MACROD2: variants seen among roughly 807,000 people sequenced by gnomAD.
MACROD2 encodes mono-ADP ribosylhydrolase 2, also known as ADP-ribose glycohydrolase MACROD2.
MACROD2 carries 36 observed loss-of-function variants against 70.4 expected under a neutral mutation model. That is an observed-to-expected ratio of 0.51 (90% CI 0.39 to 0.68). The LOEUF is 0.68. Among genes scored for constraint, MACROD2 ranks in the 30% least tolerant of loss-of-function variants. MACROD2 has a pLI of 0.00. For synonymous variants in MACROD2, 172 were observed against 178.8 expected (o/e 0.96, Z 0.30); for missense variants, 496 against 538.4 (o/e 0.92, Z 0.78).
At chr20:14,347,199 G>A (rs937668532) in intron 3 of MACROD2, among the ~76,000 whole-genome samples, 5 of 152,174 alleles carry the variant, frequency 3.3e-5, no homozygotes, top group Non-Finnish European at 7.3e-5. Flanking sequence ...GGTGAAAAGT[G>A]TCCTAATTAG....
chr20:14,060,634 C>T lies in MACROD2; in HGVS notation c.164-24987C>T, dbSNP rs73267392. Among the ~76,000 whole-genome samples, 300 of 152,228 alleles carry T rather than the reference C, an allele frequency of 2.0e-3. 1 individual carries two copies. The highest frequency in any genetic ancestry group is 6.5e-3 in the African/African-American group (271 of 41,562). On this transcript the variant is annotated intron_variant, in intron 2 of 17. Transcript: ENST00000684519. ...GGGGAGATTCGTAATCTTCTTTGTG[C>T]TCAGAAAGAGAATCTGAATATTTTT...
chr20:14,756,976 C>A (rs1282989221), intron 5 of MACROD2, among the ~76,000 whole-genome samples: 1 of 152,074 alleles, frequency 6.6e-6, no homozygotes, highest in African/African-American at 2.4e-5. Flanking sequence ...CTTCCCTTTC[C>A]ACCATGACTG....
At chr20:15,695,672 G>A (rs755734125) in intron 8 of MACROD2, among the ~76,000 whole-genome samples, 1 of 152,142 alleles carries the variant, frequency 6.6e-6, no homozygotes. Flanking sequence ...GCCTCTCAAA[G>A]TGCTGGGATT....
intron 5 of MACROD2, among the ~76,000 whole-genome samples, chr20:15,126,477 G>C (rs1280140744): frequency 6.6e-6 from 1 of 151,804 alleles, no homozygotes; most frequent in Non-Finnish European, 1.5e-5. Context: ...AAATTATTTT[G>C]ATTTAATAAA....
intron 8 of MACROD2, among the ~76,000 whole-genome samples, chr20:15,753,569 A>T (rs755611322): frequency 1.3e-5 from 2 of 152,214 alleles, no homozygotes; most frequent in Non-Finnish European, 2.9e-5. Flanking sequence ...TAGTGCTGCA[A>T]TGAACATACA....
chr20:14,235,828 G>A (rs2081864284), intron 3 of MACROD2, among the ~76,000 whole-genome samples: 1 of 152,090 alleles, frequency 6.6e-6, no homozygotes, highest in Admixed American at 6.6e-5. Flanking sequence ...ATTTACAAGA[G>A]CATGAACAAC....
At chr20:15,113,763 A>AGTGT (rs71340210) in intron 5 of MACROD2, among the ~76,000 whole-genome samples, 4,330 of 144,204 alleles carry the variant, frequency 0.03, 160 homozygotes, top group African/African-American at 0.086. Flanking sequence ...GTAGTCTTGA[A>AGTGT]GTGTGTGTGT....
intron 5 of MACROD2, among the ~76,000 whole-genome samples, chr20:14,782,753 T>C (rs1376698993): frequency 6.6e-6 from 1 of 152,148 alleles, no homozygotes; most frequent in Non-Finnish European, 1.5e-5. Context: ...ACTTCCACTG[T>C]AGTTGTTAAT....
chr20:15,404,262 A>G (rs1600362688), intron 6 of MACROD2, among the ~76,000 whole-genome samples: 1 of 152,204 alleles, frequency 6.6e-6, no homozygotes, highest in East Asian at 1.9e-4. Context: ...AAATGCATTT[A>G]ACTTATTTTT....
intron 4 of MACROD2, among the ~76,000 whole-genome samples, chr20:14,601,572 GTTAAA>G (rs1410365162): frequency 1.3e-5 from 2 of 151,816 alleles, no homozygotes; most frequent in Non-Finnish European, 2.9e-5. Flanking sequence ...AAACTTTCAG[GTTAAA>G]TAAATTGTTG....
rs1333724503 is a variant in MACROD2 at position 15,152,493 on chromosome 20, T to TCAGGGCACAGAAA, written c.419-77447_419-77446insCAGGGCACAGAAA. Among the ~76,000 whole-genome samples the TCAGGGCACAGAAA allele has an allele frequency of 8.2e-4, 119 of 145,828 alleles. 2 individuals are homozygous for TCAGGGCACAGAAA. Among genetic ancestry groups the TCAGGGCACAGAAA allele is most frequent in the African/African-American group, 2.9e-3 (114 of 38,904 alleles). ...GGGATTGGGGCACAGAGATAAGAGG[T>TCAGGGCACAGAAA]TAGGGCATGGAAATAAGGGATCGGG... On this transcript the variant is annotated intron_variant, in intron 5 of 17. Transcript: ENST00000684519.
At chr20:15,095,444 A>G (rs1337431001) in intron 5 of MACROD2, among the ~76,000 whole-genome samples, 3 of 151,880 alleles carry the variant, frequency 2.0e-5, no homozygotes, top group African/African-American at 4.8e-5. Flanking sequence ...CTTGCTTATC[A>G]TGTTTTTAAC....
At chr20:15,573,981 G>C (rs1277130281) in intron 8 of MACROD2, among the ~76,000 whole-genome samples, 3 of 152,122 alleles carry the variant, frequency 2.0e-5, no homozygotes, top group Non-Finnish European at 4.4e-5. Context: ...GTGATTTTGT[G>C]TGTGACATTT....
At chr20:14,794,165 T>C (rs998034124) in intron 5 of MACROD2, among the ~76,000 whole-genome samples, 2 of 152,132 alleles carry the variant, frequency 1.3e-5, no homozygotes, top group African/African-American at 4.8e-5. Flanking sequence ...ACTCACTGGC[T>C]CCTTTCATTT....
chr20:15,630,168 T>C (rs1444857105), intron 8 of MACROD2, among the ~76,000 whole-genome samples: 1 of 152,196 alleles, frequency 6.6e-6, no homozygotes, highest in Non-Finnish European at 1.5e-5. Flanking sequence ...AGTTAGTGTA[T>C]ATGAAGTATC....
intron 8 of MACROD2, among the ~76,000 whole-genome samples, chr20:15,810,381 G>A (rs1323453724): frequency 2.0e-5 from 3 of 151,534 alleles, no homozygotes; most frequent in African/African-American, 7.3e-5. Context: ...TATATACCCA[G>A]TAATGGGATG....
chr20:15,192,318 A>G (rs1348684824), intron 5 of MACROD2, among the ~76,000 whole-genome samples: 6 of 152,198 alleles, frequency 3.9e-5, no homozygotes, highest in African/African-American at 1.4e-4. Context: ...CTCTCTGTCA[A>G]TTACATTTTA....
At chr20:15,193,459 A>G (rs1047059180) in intron 5 of MACROD2, among the ~76,000 whole-genome samples, 1 of 152,142 alleles carries the variant, frequency 6.6e-6, no homozygotes, top group African/African-American at 2.4e-5. Context: ...CCTGGGCAAC[A>G]TAGCAAGACC....
At chr20:15,434,482 C>T (rs2046403473) in intron 7 of MACROD2, among the ~76,000 whole-genome samples, 1 of 152,114 alleles carries the variant, frequency 6.6e-6, no homozygotes, top group Admixed American at 6.6e-5. Context: ...CCACCTTACT[C>T]CTGCAAGAAT....
Sources: allele counts gnomAD v4.1 joint callset (sites outside exome capture counted in the v4.1 genomes callset), GRCh38; gene constraint gnomAD v4.1.1; transcripts MANE v1.5; gene names NCBI Gene and HGNC (gene_info 2026-07-23, HGNC 2026-07-21).